Variants in HUNK observed in about 807,000 individuals in gnomAD.
The protein encoded by HUNK is hormonally up-regulated neu tumor-associated kinase.
In HUNK, 21 loss-of-function variants were observed where a neutral mutation model predicts 61.0. The ratio of observed to expected loss-of-function variants is 0.34; its 90% CI spans 0.24 to 0.50. HUNK has a LOEUF of 0.50. Ranked by LOEUF, HUNK falls within the 20% of genes least tolerant of loss-of-function variation. HUNK has a pLI of 0.98. For missense variants in HUNK, 772 were observed against 945.7 expected, an observed-to-expected ratio of 0.82 and a Z score of 2.41; for synonymous variants, 371 against 386.1, an observed-to-expected ratio of 0.96 and a Z score of 0.46.
intron 2 of HUNK, among the ~76,000 whole-genome samples, chr21:31,939,595 A>G (rs2052755639): frequency 1.3e-5 from 2 of 151,658 alleles, no homozygotes; most frequent in Admixed American, 1.3e-4. Context: ...TTTAGTAGAC[A>G]CAGGGTTTCT....
chr21:31,900,309 T>C (rs758850553), intron 1 of HUNK, among the ~76,000 whole-genome samples: 5 of 151,894 alleles, frequency 3.3e-5, no homozygotes, highest in Non-Finnish European at 5.9e-5. Context: ...CAGCTGGAGG[T>C]AGTTTCTCCC....
intron 1 of HUNK, among the ~76,000 whole-genome samples, chr21:31,888,850 A>C (rs2052366984): frequency 6.6e-6 from 1 of 152,144 alleles, no homozygotes; most frequent in Admixed American, 6.5e-5. Context: ...ACACAGATGT[A>C]TATGTGTATT....
chr21:31,907,521 A>G (rs2123803271), intron 1 of HUNK, among the ~76,000 whole-genome samples: 1 of 152,284 alleles, frequency 6.6e-6, no homozygotes, highest in East Asian at 1.9e-4. Context: ...GATTGCTCAG[A>G]GGTACCGGTT....
chr21:31,930,276 A>T (rs2052687742), intron 2 of HUNK, among the ~76,000 whole-genome samples: 1 of 152,212 alleles, frequency 6.6e-6, no homozygotes, highest in Non-Finnish European at 1.5e-5. Context: ...GGCTGTTGTG[A>T]GGATTAAATA....
intron 1 of HUNK, among the ~76,000 whole-genome samples, chr21:31,910,032 TCCAGTGCTGTCAA>T (rs2052535350): frequency 6.6e-6 from 1 of 152,164 alleles, no homozygotes; most frequent in African/African-American, 2.4e-5. Flanking sequence ...AATCATTTCC[TCCAGTGCTGTCAA>T]CCAGGTTTGA....
At chr21:31,935,551 C>T (rs1167192217) in intron 2 of HUNK, among the ~76,000 whole-genome samples, 1 of 152,134 alleles carries the variant, frequency 6.6e-6, no homozygotes, top group Non-Finnish European at 1.5e-5. Flanking sequence ...CCTCTATACT[C>T]CACCTATTCA....
chr21:31,970,353 A>G (rs1293153376), intron 6 of HUNK, among the ~76,000 whole-genome samples: 1 of 152,186 alleles, frequency 6.6e-6, no homozygotes. Context: ...GCCATCTAGA[A>G]TTCTAGCATT....
At chr21:31,980,114 C>T (rs931421364) in intron 7 of HUNK, among the ~76,000 whole-genome samples, 2 of 152,118 alleles carry the variant, frequency 1.3e-5, no homozygotes, top group East Asian at 3.9e-4. Flanking sequence ...CTCTGTCACC[C>T]AAGCTGGAGT....
At chr21:31,962,751 G>T (rs2052937640) in intron 5 of HUNK, among the ~76,000 whole-genome samples, 1 of 152,224 alleles carries the variant, frequency 6.6e-6, no homozygotes, top group Non-Finnish European at 1.5e-5. Flanking sequence ...TAACTATTGG[G>T]ATATAGAAAT....
chr21:31,898,187 T>A (rs1016523636), intron 1 of HUNK, among the ~76,000 whole-genome samples: 5 of 84,658 alleles, frequency 5.9e-5, no homozygotes, highest in African/African-American at 1.9e-4. Flanking sequence ...CCATATACTC[T>A]GTAGTGAAAC....
intron 1 of HUNK, among the ~76,000 whole-genome samples, chr21:31,894,990 CAG>C (rs2052415472): frequency 6.6e-6 from 1 of 152,208 alleles, no homozygotes; most frequent in South Asian, 2.1e-4. Flanking sequence ...TTTCTTCCAA[CAG>C]TGACTGATTA....
chr21:31,912,221 G>A (rs1446502520), intron 1 of HUNK, among the ~76,000 whole-genome samples: 1 of 152,140 alleles, frequency 6.6e-6, no homozygotes, highest in Non-Finnish European at 1.5e-5. Context: ...CCAGGTTCCT[G>A]ACGCGGTGCT....
At chr21:31,990,091 C>T (rs982322644) in intron 8 of HUNK, 38 bp from the exon 9 acceptor site, 46 of 1,583,560 alleles carry the variant, frequency 2.9e-5, no homozygotes, top group Non-Finnish European at 3.6e-5. Flanking sequence ...ATAGCAGGTG[C>T]AGATTCTCGA....
chr21:31,901,977 G>A (rs1465607740), intron 1 of HUNK, among the ~76,000 whole-genome samples: 1 of 152,124 alleles, frequency 6.6e-6, no homozygotes, highest in African/African-American at 2.4e-5. Context: ...GCCTGACCAT[G>A]TCCCAGCTGG....
chr21:31,996,021 GATGGTCGA>G (rs2053203210), intron 10 of HUNK, 73 bp downstream of exon 10: 1 of 1,175,728 alleles, frequency 8.5e-7, no homozygotes, highest in Non-Finnish European at 1.2e-6. Context: ...CCTCACAGGG[GATGGTCGA>G]ATGGGCCCTA....
At position 31,878,486 on chromosome 21, in the gene HUNK, G is replaced by A. The variant is rs550338635; in HGVS notation, c.261+4551G>A. Among the ~76,000 whole-genome samples the A allele has an allele frequency of 2.0e-3, 300 of 152,076 alleles. 1 individual carries two copies. Among genetic ancestry groups the A allele is most frequent in the African/African-American group, 7.0e-3 (292 of 41,484 alleles). On this transcript the variant is annotated intron_variant, in intron 1 of 10. Coordinates refer to ENST00000270112, the MANE Select transcript of HUNK (RefSeq NM_014586.2). ...GCGGTGGCTCATGCCTGTAATCCCA[G>A]CACTTTGGGAGGCCGAAGTGGGTGG... is the stretch of plus-strand genomic sequence containing the variant.
chr21:31,939,714 G>GTTTTTTT (rs1316944132), intron 2 of HUNK, among the ~76,000 whole-genome samples: 1 of 136,212 alleles, frequency 7.3e-6, no homozygotes. Flanking sequence ...GGCCTCATGT[G>GTTTTTTT]TTGTTTTTTT....
chr21:31,893,139 C>T (rs1308170505), intron 1 of HUNK, among the ~76,000 whole-genome samples: 1 of 151,770 alleles, frequency 6.6e-6, no homozygotes, highest in African/African-American at 2.4e-5. Context: ...GGGAGTCCCA[C>T]AGAATATGAG....
chr21:31,914,804 G>A lies in HUNK; in HGVS notation c.262-9664G>A, dbSNP rs568206856. 9.9e-5 allele frequency among the ~76,000 whole-genome samples: 15 copies of A among 152,276 alleles called. No homozygotes were observed. The South Asian group carries it at 3.1e-3, about 32-fold the overall frequency. ...AGGACATCGGTCCTACTGGATTAGA[G>A]CCCCACTCTAATGACCTCATTTAAC... On this transcript the variant is annotated intron_variant, in intron 1 of 10. Coordinates refer to ENST00000270112, the MANE Select transcript of HUNK (RefSeq NM_014586.2).
Sources: gnomAD v4.1 joint callset for allele counts (sites outside exome capture counted in the v4.1 genomes callset) on GRCh38, gnomAD v4.1.1 for gene constraint, MANE v1.5 for transcripts, NCBI Gene and HGNC (gene_info 2026-07-23, HGNC 2026-07-21) for gene names.